Variants in ARSG observed in about 807,000 individuals in gnomAD.
The protein encoded by ARSG is ASG.
In ARSG, 37 loss-of-function variants were observed where a neutral mutation model predicts 50.5. The observed-to-expected ratio is 0.73, with a 90% confidence interval of 0.56 to 0.96. The LOEUF is 0.96. Ranked by LOEUF, ARSG falls within the 50% of genes least tolerant of loss-of-function variation. ARSG has a pLI of 0.00. For missense variants in ARSG, 629 were observed against 675.3 expected (o/e 0.93, Z 0.76); for synonymous variants, 225 against 254.6 (o/e 0.88, Z 1.11).
At chr17:68,387,047 A>G (rs1384045193) in intron 9 of ARSG, among the ~76,000 whole-genome samples, 1 of 151,318 alleles carries the variant, frequency 6.6e-6, no homozygotes, top group African/African-American at 2.4e-5. Context: ...AAAAACTGCA[A>G]TGACTTTCGC....
chr17:68,274,172 G>T (rs1161563780), intron 1 of ARSG: 2 of 1,304,476 alleles, frequency 1.5e-6, no homozygotes, highest in Admixed American at 2.1e-5. Flanking sequence ...AGATGATGTC[G>T]AATATAAATA....
At chr17:68,290,107 G>T (rs754368446), upstream of ARSG, among the ~76,000 whole-genome samples, 1 of 152,190 alleles carries the variant, frequency 6.6e-6, no homozygotes, top group African/African-American at 2.4e-5. Flanking sequence ...AGATCACTGA[G>T]AAATCTCATT....
chr17:68,265,164 A>G (rs1320166093), intron 1 of ARSG, among the ~76,000 whole-genome samples: 4 of 148,566 alleles, frequency 2.7e-5, no homozygotes, highest in Admixed American at 6.7e-5. Context: ...CAGAAAAAAA[A>G]AAAAAAAAGA....
At chr17:68,425,062 T>G (rs59133474), downstream of ARSG, among the ~76,000 whole-genome samples, 1 of 152,028 alleles carries the variant, frequency 6.6e-6, no homozygotes, top group African/African-American at 2.4e-5. Context: ...TTCCAGGTGA[T>G]GGAAGAAGCC....
At chr17:68,415,315 G>A (rs2082298392) in intron 11 of ARSG, among the ~76,000 whole-genome samples, 1 of 152,126 alleles carries the variant, frequency 6.6e-6, no homozygotes, top group Non-Finnish European at 1.5e-5. Flanking sequence ...TAATTTCCAT[G>A]TATTTGCATG....
chr17:68,360,726 C>T (rs773413710), intron 6 of ARSG, among the ~76,000 whole-genome samples: 9 of 152,144 alleles, frequency 5.9e-5, no homozygotes, highest in African/African-American at 2.2e-4. Flanking sequence ...GGTCTGGGAC[C>T]GTGCATTGCA....
chr17:68,430,171 A>C, the ARSG span: 1 of 1,608,106 alleles, frequency 6.2e-7, no homozygotes, highest in South Asian at 1.1e-5. Context: ...CTAGGGAGTA[A>C]TGCACAGGCA....
chr17:68,422,111 A>G, downstream of ARSG: 1 of 374,770 alleles, frequency 2.7e-6, no homozygotes, highest in South Asian at 3.3e-5. Context: ...ACTTGTAAAC[A>G]TGGACTGCTC....
intron 1 of ARSG, among the ~76,000 whole-genome samples, chr17:68,284,348 C>T (rs1000901843): frequency 1.3e-5 from 2 of 152,144 alleles, no homozygotes; most frequent in Admixed American, 1.3e-4. Context: ...GAGCCAAGAT[C>T]GTGCCACTGC....
At chr17:68,444,212 A>G in the ARSG span, among the ~76,000 whole-genome samples, 2 of 152,200 alleles carry the variant, frequency 1.3e-5, no homozygotes, top group South Asian at 2.1e-4. Flanking sequence ...AATCTTTTAC[A>G]TGTCTACCTT....
At chr17:68,391,914 A>G (rs1256384693) in intron 9 of ARSG, among the ~76,000 whole-genome samples, 2 of 152,142 alleles carry the variant, frequency 1.3e-5, no homozygotes, top group Non-Finnish European at 2.9e-5. Flanking sequence ...TAGTCAATGG[A>G]GAGATTCTGC....
intron 1 of ARSG, among the ~76,000 whole-genome samples, chr17:68,294,791 G>A (rs781893898): frequency 7.2e-5 from 11 of 152,124 alleles, no homozygotes; most frequent in Non-Finnish European, 1.0e-4. Context: ...ACAGTGAACC[G>A]ATGGTACAGG....
At chr17:68,430,812 C>A in the ARSG span, among the ~76,000 whole-genome samples, 1 of 152,186 alleles carries the variant, frequency 6.6e-6, no homozygotes, top group African/African-American at 2.4e-5. Context: ...CAGAGGGTGG[C>A]ACATTGAGAA....
intron 1 of ARSG, among the ~76,000 whole-genome samples, chr17:68,276,451 A>AT (rs1299364205): frequency 3.3e-5 from 5 of 150,676 alleles, no homozygotes; most frequent in East Asian, 2.0e-4. Flanking sequence ...AACTTTCTTT[A>AT]TTTTTTTTAT....
At chr17:68,335,296 G>A (rs571086990) in intron 2 of ARSG, among the ~76,000 whole-genome samples, 1 of 152,270 alleles carries the variant, frequency 6.6e-6, no homozygotes, top group South Asian at 2.1e-4. Flanking sequence ...GCTCATGCCT[G>A]TAATCCCAGC....
At chr17:68,449,852 T>G in the ARSG span, among the ~76,000 whole-genome samples, 23 of 152,056 alleles carry the variant, frequency 1.5e-4, no homozygotes, top group Admixed American at 1.5e-3. Flanking sequence ...TATAAAAAAA[T>G]ACAGAAAAAT....
chr17:68,373,793 G>T (rs943608880), intron 8 of ARSG, among the ~76,000 whole-genome samples: 1 of 151,978 alleles, frequency 6.6e-6, no homozygotes, highest in Admixed American at 6.6e-5. Flanking sequence ...CTGTGATTTA[G>T]TTGTGATTTC....
intron 1 of ARSG, among the ~76,000 whole-genome samples, chr17:68,266,090 T>A (rs1199381416): frequency 1.3e-5 from 2 of 152,208 alleles, no homozygotes; most frequent in Non-Finnish European, 2.9e-5. Flanking sequence ...ACTATTTGCC[T>A]TTATGACTTT....
chr17:68,426,532 A>C (rs1600259338), downstream of ARSG, among the ~76,000 whole-genome samples: 1 of 151,826 alleles, frequency 6.6e-6, no homozygotes, highest in Non-Finnish European at 1.5e-5. Context: ...TGGAAATTTT[A>C]GTTTAGTTTT....
Sources: gnomAD v4.1 joint callset for allele counts (sites outside exome capture counted in the v4.1 genomes callset) on GRCh38, gnomAD v4.1.1 for gene constraint, MANE v1.5 for transcripts, NCBI Gene and HGNC (gene_info 2026-07-23, HGNC 2026-07-21) for gene names.